The following FARP1 variants were observed in gnomAD, a reference collection of about 807,000 sequenced individuals.
The protein encoded by FARP1 is FERM, ARH/RhoGEF and pleckstrin domain protein 1, also known as FERM, ARHGEF and pleckstrin domain-containing protein 1.
A neutral mutation model predicts 128.8 loss-of-function variants in FARP1; 52 were observed. The observed-to-expected ratio is 0.40, with a 90% CI of 0.32 to 0.51. FARP1 has a LOEUF of 0.51. Among genes scored for constraint, FARP1 ranks in the 20% least tolerant of loss-of-function variants. FARP1 has a pLI of 0.45. For synonymous variants in FARP1, 580 were observed against 551.8 expected (o/e 1.05, Z -0.72); for missense variants, 1,333 against 1,367.9 (o/e 0.97, Z 0.40).
chr13:98,427,022 C>T (rs989752214), intron 17 of FARP1, among the ~76,000 whole-genome samples: 6 of 152,162 alleles, frequency 3.9e-5, no homozygotes, highest in African/African-American at 1.4e-4. Context: ...GCGTGGTGCT[C>T]GTGTGGAAAC....
chr13:98,440,386 A>C (rs1892475434), intron 23 of FARP1, 151 bp downstream of exon 23: 2 of 677,238 alleles, frequency 3.0e-6, no homozygotes, highest in Admixed American at 5.2e-5. Context: ...CTTTTTCCTA[A>C]AAGTAAAACC....
chr13:98,271,982 C>A (rs111758107), intron 2 of FARP1, among the ~76,000 whole-genome samples: 5,811 of 152,106 alleles, frequency 0.038, 344 homozygotes, highest in African/African-American at 0.13. Context: ...AATGGTATTT[C>A]TAGTTCTAGA....
intron 3 of FARP1, among the ~76,000 whole-genome samples, chr13:98,353,484 T>A (rs1323266803): frequency 6.6e-6 from 1 of 152,196 alleles, no homozygotes; most frequent in African/African-American, 2.4e-5. Context: ...GTTCAAGTGA[T>A]CCTCCTGTCT....
intron 2 of FARP1, among the ~76,000 whole-genome samples, chr13:98,237,207 G>A (rs1882473265): frequency 6.6e-6 from 1 of 151,812 alleles, no homozygotes; most frequent in Admixed American, 6.6e-5. Flanking sequence ...GGGAGGCTGA[G>A]GCAGGAGAAT....
chr13:98,156,058 A>G (rs1484564320), intron 1 of FARP1, among the ~76,000 whole-genome samples: 1 of 152,178 alleles, frequency 6.6e-6, no homozygotes, highest in Non-Finnish European at 1.5e-5. Flanking sequence ...TTTCATTTCA[A>G]TCCCCGTTTC....
intron 2 of FARP1, among the ~76,000 whole-genome samples, chr13:98,309,319 A>G (rs1948055709): frequency 6.9e-6 from 1 of 145,302 alleles, no homozygotes; most frequent in African/African-American, 2.6e-5. Context: ...GGCGCCCACC[A>G]TCACGCCCGG....
At chr13:98,268,016 C>A (rs767348896) in intron 2 of FARP1, among the ~76,000 whole-genome samples, 7 of 152,204 alleles carry the variant, frequency 4.6e-5, no homozygotes, top group Non-Finnish European at 8.8e-5. Flanking sequence ...CTCAGTTGGG[C>A]AGCATTACAT....
intron 2 of FARP1, among the ~76,000 whole-genome samples, chr13:98,231,887 G>A (rs1039065432): frequency 6.6e-6 from 1 of 152,006 alleles, no homozygotes; most frequent in Non-Finnish European, 1.5e-5. Flanking sequence ...GAGTGCAATG[G>A]CACAATCTTG....
At chr13:98,433,272 T>C (rs1407391317) in intron 18 of FARP1, 1 of 152,138 alleles carries the variant, frequency 6.6e-6, no homozygotes, top group Admixed American at 6.5e-5. Flanking sequence ...GAAAAACCGT[T>C]GTTAATATCT....
chr13:98,394,517 A>G (rs1466695141), intron 12 of FARP1, among the ~76,000 whole-genome samples: 3 of 152,214 alleles, frequency 2.0e-5, no homozygotes, highest in African/African-American at 7.2e-5. Context: ...CAAGCCCAAC[A>G]TGAGCAGGAC....
At chr13:98,424,467 G>T in intron 16 of FARP1, 105 bp from the exon 17 acceptor site, 1 of 753,866 alleles carries the variant, frequency 1.3e-6, no homozygotes, top group South Asian at 1.5e-5. Flanking sequence ...GGAGATGTCC[G>T]GGGAGGGGTG....
chr13:98,396,077 C>T (rs1890532196), intron 13 of FARP1: 4 of 399,008 alleles, frequency 1.0e-5, no homozygotes, highest in Non-Finnish European at 4.4e-6. Context: ...AAGTCAGAGA[C>T]AGATCCACTC....
rs1880839603 is a variant in FARP1, at chr13:98,213,262, G to A, written c.20G>A (p.Arg7Lys). 2 of 1,613,448 alleles carry A rather than the reference G, an allele frequency of 1.2e-6. No homozygotes were observed. Among genetic ancestry groups the A allele is most frequent in the Non-Finnish European group, 1.7e-6 (2 of 1,179,848 alleles). Residue 7 changes from arginine to lysine, a missense_variant, in exon 2 of 27, where the codon AGG becomes AAG. Around this residue, in one of 2 missense-constraint regions of FARP1, gnomAD observed 324 missense variants for 398.1 expected, o/e 0.81. Coordinates refer to ENST00000319562, the MANE Select transcript of FARP1 (RefSeq NM_005766.4). The part of the protein sequence containing the change: MGEIEQ[R>K]PTPGSRLGAP... ...TTCATCATGGGAGAAATAGAGCAGA[G>A]GCCGACCCCAGGATCACGACTGGGG...
At chr13:98,161,030 TA>T (rs1876845709) in intron 1 of FARP1, among the ~76,000 whole-genome samples, 1 of 152,210 alleles carries the variant, frequency 6.6e-6, no homozygotes, top group African/African-American at 2.4e-5. Context: ...ATAGCAGTTT[TA>T]GGTTCTCAGC....
chr13:98,177,039 G>A (rs1448068786), intron 1 of FARP1: 1 of 1,594,294 alleles, frequency 6.3e-7, no homozygotes, highest in African/African-American at 1.3e-5. Context: ...GGAGGCCCCG[G>A]GGCCTCGGTG....
chr13:98,396,802 A>G (rs1274996801), intron 13 of FARP1: 5 of 251,380 alleles, frequency 2.0e-5, no homozygotes, highest in East Asian at 1.4e-4. Context: ...GAATCCGATC[A>G]TGTGTATAGT....
At chr13:98,363,834 T>A (rs1435516179) in intron 3 of FARP1, among the ~76,000 whole-genome samples, 17 of 152,118 alleles carry the variant, frequency 1.1e-4, no homozygotes, top group Non-Finnish European at 1.6e-4. Flanking sequence ...CTCTGTCTCT[T>A]GGGTTCAAGT....
intron 2 of FARP1, among the ~76,000 whole-genome samples, chr13:98,271,582 C>T (rs1304925929): frequency 6.6e-6 from 1 of 152,072 alleles, no homozygotes; most frequent in Non-Finnish European, 1.5e-5. Context: ...CCTCGACAGG[C>T]CCCAGTATGT....
intron 1 of FARP1, among the ~76,000 whole-genome samples, chr13:98,154,570 G>A (rs1876366170): frequency 1.3e-5 from 2 of 152,134 alleles, no homozygotes; most frequent in Non-Finnish European, 2.9e-5. Context: ...ATGGAACAGC[G>A]CCAGCGGGAA....
Sources: gnomAD v4.1 joint callset for allele counts (sites outside exome capture counted in the v4.1 genomes callset) on GRCh38, gnomAD v4.1.1 for gene constraint, gnomAD v4.1.1 regional missense constraint, MANE v1.5 for transcripts, NCBI Gene and HGNC (gene_info 2026-07-23, HGNC 2026-07-21) for gene names.